Variants in CNTNAP2 observed in about 807,000 individuals in gnomAD.
The protein encoded by CNTNAP2 is contactin associated protein 2.
CNTNAP2 carries 98 observed loss-of-function variants against 155.2 expected under a neutral mutation model. The observed-to-expected ratio is 0.63, with a 90% CI of 0.54 to 0.75. CNTNAP2 has a LOEUF of 0.75. Ranked by LOEUF, CNTNAP2 falls within the 30% of genes least tolerant of loss-of-function variation. The pLI is 0.00. For synonymous variants in CNTNAP2, 651 were observed against 631.2 expected, an observed-to-expected ratio of 1.03 and a Z score of -0.47; for missense variants, 1,727 against 1,688.1, an observed-to-expected ratio of 1.02 and a Z score of -0.40.
At chr7:147,888,235 T>C (rs1799631567) in intron 13 of CNTNAP2, among the ~76,000 whole-genome samples, 1 of 152,212 alleles carries the variant, frequency 6.6e-6, no homozygotes, top group East Asian at 1.9e-4. Context: ...AAAGTGGATA[T>C]ACTATTAAAA....
At chr7:148,274,213 A>G (rs1348449889) in intron 21 of CNTNAP2, among the ~76,000 whole-genome samples, 1 of 151,932 alleles carries the variant, frequency 6.6e-6, no homozygotes, top group Non-Finnish European at 1.5e-5. Flanking sequence ...GTGAACAGAA[A>G]ACTCTTGACT....
chr7:146,963,376 T>C (rs17405965), intron 3 of CNTNAP2, among the ~76,000 whole-genome samples: 2,144 of 152,324 alleles, frequency 0.014, 20 homozygotes, highest in South Asian at 0.032. Flanking sequence ...ATTTAGCCAG[T>C]CTTAAAAATC....
chr7:146,988,496 A>G (rs1415076778), intron 3 of CNTNAP2, among the ~76,000 whole-genome samples: 2 of 152,150 alleles, frequency 1.3e-5, no homozygotes, highest in African/African-American at 4.8e-5. Context: ...TGAAATGCTT[A>G]AACTTTGTAT....
chr7:147,936,300 ATTT>A (rs56980866), intron 14 of CNTNAP2, among the ~76,000 whole-genome samples: 21 of 147,856 alleles, frequency 1.4e-4, no homozygotes, highest in African/African-American at 5.3e-4. Context: ...CATTTATTTT[ATTT>A]TTTTTTTTTT....
At chr7:148,379,340 G>A (rs1359202794) in intron 21 of CNTNAP2, among the ~76,000 whole-genome samples, 1 of 152,124 alleles carries the variant, frequency 6.6e-6, no homozygotes, top group Admixed American at 6.5e-5. Context: ...GAATACACAA[G>A]AAGAAGATAT....
At chr7:148,331,749 A>AGTGG (rs1563046034) in intron 21 of CNTNAP2, among the ~76,000 whole-genome samples, 20 of 109,962 alleles carry the variant, frequency 1.8e-4, no homozygotes, top group African/African-American at 3.7e-4. Flanking sequence ...GGATGGATGG[A>AGTGG]ACGGACGGAT....
At chr7:147,150,361 G>A (rs1366319515) in intron 8 of CNTNAP2, among the ~76,000 whole-genome samples, 1 of 152,074 alleles carries the variant, frequency 6.6e-6, no homozygotes, top group Non-Finnish European at 1.5e-5. Context: ...GTACTGAAAG[G>A]AACAGGAGCA....
At chr7:147,726,639 T>A (rs894185309) in intron 13 of CNTNAP2, among the ~76,000 whole-genome samples, 1 of 151,868 alleles carries the variant, frequency 6.6e-6, no homozygotes. Flanking sequence ...AATGCTCCTA[T>A]AAATCCTTAA....
chr7:146,813,127 A>G (rs1471391957), intron 2 of CNTNAP2, among the ~76,000 whole-genome samples: 1 of 152,148 alleles, frequency 6.6e-6, no homozygotes, highest in African/African-American at 2.4e-5. Flanking sequence ...GTGGAAGGAA[A>G]ATGTAGGGTC....
At chr7:146,395,360 G>T (rs1307506027) in intron 1 of CNTNAP2, among the ~76,000 whole-genome samples, 1 of 152,092 alleles carries the variant, frequency 6.6e-6, no homozygotes, top group Non-Finnish European at 1.5e-5. Flanking sequence ...GAGGGAAGGG[G>T]AGCCATTTTA....
intron 18 of CNTNAP2, among the ~76,000 whole-genome samples, chr7:148,183,093 G>T (rs772223955): frequency 1.1e-4 from 16 of 152,240 alleles, no homozygotes; most frequent in Non-Finnish European, 2.2e-4. Context: ...CAGAGAGCCT[G>T]CTGTGGGGGA....
At chr7:146,788,007 A>G (rs1453603074) in intron 2 of CNTNAP2, among the ~76,000 whole-genome samples, 1 of 152,154 alleles carries the variant, frequency 6.6e-6, no homozygotes, top group Non-Finnish European at 1.5e-5. Flanking sequence ...CAAACCTTTA[A>G]CTAGACGGAA....
At chr7:147,334,285 A>G (rs1208512123) in intron 9 of CNTNAP2, among the ~76,000 whole-genome samples, 1 of 152,202 alleles carries the variant, frequency 6.6e-6, no homozygotes, top group African/African-American at 2.4e-5. Context: ...AATACCAAAT[A>G]AAACCCCAAT....
intron 1 of CNTNAP2, among the ~76,000 whole-genome samples, chr7:146,483,333 A>G (rs1396992182): frequency 1.0e-4 from 13 of 126,166 alleles, no homozygotes; most frequent in African/African-American, 3.6e-4. Context: ...ATATATACAT[A>G]TATATATATT....
At chr7:147,096,130 G>A (rs1198404836) in intron 4 of CNTNAP2, among the ~76,000 whole-genome samples, 3 of 152,150 alleles carry the variant, frequency 2.0e-5, no homozygotes, top group Admixed American at 1.3e-4. Context: ...GAAAATTAGG[G>A]TGTAATTATT....
At chr7:146,286,947 C>G (rs1211701649) in intron 1 of CNTNAP2, among the ~76,000 whole-genome samples, 1 of 152,024 alleles carries the variant, frequency 6.6e-6, no homozygotes, top group African/African-American at 2.4e-5. Context: ...TCTACAAAAA[C>G]AAAACAAAGG....
chr7:147,627,775 A>G (rs1029893855), intron 12 of CNTNAP2, among the ~76,000 whole-genome samples: 2 of 151,692 alleles, frequency 1.3e-5, no homozygotes, highest in Admixed American at 1.3e-4. Flanking sequence ...GATGTCATAA[A>G]GAAAAAACAA....
intron 13 of CNTNAP2, among the ~76,000 whole-genome samples, chr7:147,856,758 A>G (rs1799047223): frequency 6.6e-6 from 1 of 152,218 alleles, no homozygotes; most frequent in Non-Finnish European, 1.5e-5. Flanking sequence ...GTAATCATAC[A>G]GAACAGCTAA....
At chr7:147,098,485 C>G (rs28453321) in intron 4 of CNTNAP2, among the ~76,000 whole-genome samples, 7,328 of 152,142 alleles carry the variant, frequency 0.048, 272 homozygotes, top group South Asian at 0.095. Context: ...TTCCACAACC[C>G]CAGTCTTGAC....
Sources: allele counts gnomAD v4.1 joint callset (sites outside exome capture counted in the v4.1 genomes callset), GRCh38; gene constraint gnomAD v4.1.1; transcripts MANE v1.5; gene names NCBI Gene and HGNC (gene_info 2026-07-23, HGNC 2026-07-21).